The following DCC variants were observed in gnomAD, a reference collection of about 807,000 sequenced individuals.
DCC encodes netrin receptor DCC.
DCC carries 58 observed loss-of-function variants against 172.5 expected under a neutral mutation model. That is an observed-to-expected ratio of 0.34 (90% CI 0.27 to 0.42). DCC has a LOEUF of 0.42. DCC is among the 10% of genes least tolerant of loss of function. The pLI, the probability that DCC is intolerant of heterozygous loss-of-function variation, is 1.00. For synonymous variants in DCC, 709 were observed against 644.5 expected (o/e 1.10, Z -1.52); for missense variants, 1,740 against 1,791.0 (o/e 0.97, Z 0.51).
chr18:53,097,720 C>T (rs1247456306), intron 7 of DCC, among the ~76,000 whole-genome samples: 1 of 152,142 alleles, frequency 6.6e-6, no homozygotes, highest in Non-Finnish European at 1.5e-5. Context: ...AATATGCAGG[C>T]AAATTCATTT....
intron 12 of DCC, among the ~76,000 whole-genome samples, chr18:53,304,993 A>G (rs957573013): frequency 6.6e-6 from 1 of 152,116 alleles, no homozygotes; most frequent in African/African-American, 2.4e-5. Flanking sequence ...ATGATAGTAA[A>G]TAAGTCTCAC....
intron 1 of DCC, among the ~76,000 whole-genome samples, chr18:52,621,350 G>T (rs1451170851): frequency 6.6e-6 from 1 of 152,178 alleles, no homozygotes; most frequent in Non-Finnish European, 1.5e-5. Flanking sequence ...TTGAAACAGG[G>T]ATTAGAACTC....
At chr18:52,663,736 C>T (rs2144953291) in intron 1 of DCC, among the ~76,000 whole-genome samples, 1 of 152,276 alleles carries the variant, frequency 6.6e-6, no homozygotes, top group South Asian at 2.1e-4. Flanking sequence ...TACATTCTCG[C>T]TTTCCATAGT....
At chr18:53,314,221 A>C (rs2057318294) in intron 13 of DCC, among the ~76,000 whole-genome samples, 1 of 152,232 alleles carries the variant, frequency 6.6e-6, no homozygotes, top group South Asian at 2.1e-4. Flanking sequence ...TAATGTCCAG[A>C]CTGCTTCTCT....
At chr18:52,883,720 C>T (rs1459040152) in intron 2 of DCC, among the ~76,000 whole-genome samples, 1 of 27,418 alleles carries the variant, frequency 3.6e-5, no homozygotes, top group Non-Finnish European at 1.6e-4. Context: ...AGTCTTTCTA[C>T]TTAAGAGTAG....
intron 5 of DCC, among the ~76,000 whole-genome samples, chr18:52,950,962 A>C (rs9989514): frequency 7.2e-6 from 1 of 138,830 alleles, no homozygotes; most frequent in Non-Finnish European, 1.6e-5. Context: ...AAAAAAAAAA[A>C]AAAAAAAAAG....
chr18:53,110,887 T>G (rs1217443554), intron 7 of DCC, among the ~76,000 whole-genome samples: 1 of 123,926 alleles, frequency 8.1e-6, no homozygotes, highest in African/African-American at 3.2e-5. Context: ...GACCCAGCCA[T>G]CCCATTACTG....
chr18:53,373,022 T>A (rs1045696496), intron 15 of DCC, among the ~76,000 whole-genome samples: 6 of 152,164 alleles, frequency 3.9e-5, no homozygotes, highest in Non-Finnish European at 8.8e-5. Flanking sequence ...TAACCACATG[T>A]TTGCCTCTCC....
intron 1 of DCC, among the ~76,000 whole-genome samples, chr18:52,626,716 C>T (rs1440846170): frequency 6.6e-6 from 1 of 152,096 alleles, no homozygotes; most frequent in East Asian, 1.9e-4. Flanking sequence ...CAAAAAAATT[C>T]CAAAAAACAA....
At chr18:52,691,529 A>G (rs1209506601) in intron 1 of DCC, among the ~76,000 whole-genome samples, 16 of 152,056 alleles carry the variant, frequency 1.1e-4, no homozygotes, top group Non-Finnish European at 1.0e-4. Flanking sequence ...AGTCTTTGTC[A>G]TTCCTTGGCT....
chr18:52,992,904 A>G (rs714), intron 5 of DCC, among the ~76,000 whole-genome samples: 114,325 of 151,272 alleles, frequency 0.76, 43,569 homozygotes, highest in African/African-American at 0.83. Flanking sequence ...GCTTGAACCC[A>G]GGAGGCAGAG....
At chr18:52,509,417 A>G (rs2031353066) in intron 1 of DCC, among the ~76,000 whole-genome samples, 1 of 152,152 alleles carries the variant, frequency 6.6e-6, no homozygotes, top group African/African-American at 2.4e-5. Flanking sequence ...ATTACATCTT[A>G]TATTTCCATT....
intron 2 of DCC, among the ~76,000 whole-genome samples, chr18:52,862,205 A>T (rs2039154571): frequency 6.6e-6 from 1 of 152,142 alleles, no homozygotes; most frequent in African/African-American, 2.4e-5. Context: ...TTGGGCTTCC[A>T]GGAGTTCTTT....
intron 12 of DCC, among the ~76,000 whole-genome samples, chr18:53,253,392 A>G (rs1410354742): frequency 6.6e-6 from 1 of 152,058 alleles, no homozygotes; most frequent in Non-Finnish European, 1.5e-5. Flanking sequence ...CAGATGAGGA[A>G]CAGGATAGGA....
At chr18:52,562,866 G>C (rs1371138708) in intron 1 of DCC, among the ~76,000 whole-genome samples, 1 of 152,072 alleles carries the variant, frequency 6.6e-6, no homozygotes, top group Non-Finnish European at 1.5e-5. Flanking sequence ...CTGGGCTTAA[G>C]TGATCCTTCT....
chr18:53,430,813 A>G (rs1911564959), intron 21 of DCC, among the ~76,000 whole-genome samples: 1 of 152,192 alleles, frequency 6.6e-6, no homozygotes, highest in South Asian at 2.1e-4. Flanking sequence ...AAGGAATATA[A>G]CAATGAACAG....
At chr18:52,509,520 T>C (rs2031357578) in intron 1 of DCC, among the ~76,000 whole-genome samples, 1 of 152,176 alleles carries the variant, frequency 6.6e-6, no homozygotes, top group African/African-American at 2.4e-5. Flanking sequence ...CCCACAAAAC[T>C]GAGGGAAGAT....
chr18:53,204,549 GAAAA>G (rs71175567), intron 9 of DCC, among the ~76,000 whole-genome samples: 3,112 of 140,234 alleles, frequency 0.022, 115 homozygotes, highest in African/African-American at 0.075. Flanking sequence ...TCTGTTTCTG[GAAAA>G]AAAAAAAAAA....
At chr18:53,408,066 A>G (rs149268774) in intron 19 of DCC, among the ~76,000 whole-genome samples, 1 of 152,356 alleles carries the variant, frequency 6.6e-6, no homozygotes, top group East Asian at 1.9e-4. Context: ...TTCATCATTG[A>G]CATCACAACA....
Sources: allele counts gnomAD v4.1 joint callset (sites outside exome capture counted in the v4.1 genomes callset), GRCh38; gene constraint gnomAD v4.1.1; transcripts MANE v1.5; gene names NCBI Gene and HGNC (gene_info 2026-07-23, HGNC 2026-07-21).